The following COL4A3 variants were observed in gnomAD, a reference collection of about 807,000 sequenced individuals.
The protein encoded by COL4A3 is collagen alpha-3(IV) chain.
Under a neutral mutation model 217.4 loss-of-function variants are expected in COL4A3, and 135 were observed. The observed-to-expected ratio is 0.62, with a 90% CI of 0.54 to 0.72. COL4A3 has a LOEUF of 0.72. COL4A3 is among the 30% of genes least tolerant of loss of function. The probability of loss-of-function intolerance (pLI) is 0.00; values close to 1 mark genes in which losing one functional copy is unlikely to be tolerated. For missense variants in COL4A3, 1,868 were observed against 2,119.9 expected (o/e 0.88, Z 2.33); for synonymous variants, 690 against 736.3 (o/e 0.94, Z 1.02).
Position 227,202,767 on chromosome 2 carries a change from A to AT in COL4A3, c.88-35200dup, listed in dbSNP as rs55678102. On this transcript the variant is annotated intron_variant, in intron 1 of 51. Transcript: ENST00000396578. ...AAAAAATATATATATATATATATAT[A>AT]TATATCACATATATATACACATGTG... 5.7e-4 allele frequency among the ~76,000 whole-genome samples: 73 copies of AT among 129,090 alleles called. 9 individuals carry two copies. Among genetic ancestry groups the AT allele is most frequent in the Admixed American group, 2.1e-3 (26 of 12,256 alleles). 84.7% of individuals were successfully genotyped at this position (129,090 alleles called of 152,430 possible). A position where few individuals can be genotyped will look rare whatever the true frequency, so the allele number is the denominator to read the frequency against.
In COL4A3 at chr2:227,270,947, G is replaced by C; in HGVS notation, c.1753G>C (p.Glu585Gln). ...GAAAGGATTACCAGGACCTAAAGGC[G>C]AACTGGTTGGTATTTAGCAACTTTA... ...GVKGLPGPKG[E>Q]LALSGEKGDQ... is the part of the protein sequence containing the mutation. Residue 585 changes from glutamate to glutamine, a missense_variant, in exon 25 of 52, where the codon GAA becomes CAA. Physicochemically the swap from Glu to Gln is conservative, Grantham distance 29. Transcript: ENST00000396578. 4.3e-5 allele frequency: 69 copies of C among 1,613,966 alleles called. No homozygotes were observed. The highest frequency in any genetic ancestry group is 5.7e-5 in the Non-Finnish European group (67 of 1,179,926).
Position 227,282,516 on chromosome 2 carries a change from A to C in COL4A3, c.2640A>C (p.Gly880=), listed in dbSNP as rs1170459483. ...LGQRGYPGNP[G]ILGPPGEDGV... ...AAAGAGGATATCCAGGAAATCCGGG[A>C]ATTTTAGGGCCACCAGGTATCCTTT... is the stretch of plus-strand genomic sequence containing the variant. Residue 880 remains glycine (G), a synonymous_variant, in exon 32 of 52, where the codon GGA becomes GGC. Coordinates refer to ENST00000396578, the MANE Select transcript of COL4A3 (RefSeq NM_000091.5). This position sits in a 1 kb window ranked among gnomAD's most constrained non-coding sequence, Gnocchi z 4.4. 1 of 1,613,558 alleles carries C rather than the reference A, an allele frequency of 6.2e-7. No individual in the cohort carries two copies. The highest frequency in any genetic ancestry group is 8.5e-7 in the Non-Finnish European group (1 of 1,179,786).
intron 43 of COL4A3, among the ~76,000 whole-genome samples, chr2:227,302,611 A>T (rs2073334142): frequency 6.9e-6 from 1 of 144,430 alleles, no homozygotes; most frequent in South Asian, 2.2e-4. Context: ...TGGGAAGCAG[A>T]GGTTGCAGCA....
At chr2:227,223,756 A>AG (rs113236384) in intron 1 of COL4A3, among the ~76,000 whole-genome samples, 14 of 105,226 alleles carry the variant, frequency 1.3e-4, no homozygotes, top group Admixed American at 2.8e-4. Context: ...AAACAAATAA[A>AG]TAAGCAAATT....
intron 41 of COL4A3, chr2:227,296,380 G>A (rs907959043): frequency 1.5e-5 from 5 of 336,554 alleles, no homozygotes; most frequent in African/African-American, 1.1e-4. Context: ...GCTTTTAACT[G>A]GAAATAAAAT....
chr2:227,218,966 C>G (rs2067643477), intron 1 of COL4A3, among the ~76,000 whole-genome samples: 1 of 151,926 alleles, frequency 6.6e-6, no homozygotes, highest in African/African-American at 2.4e-5. Flanking sequence ...AATAAAATAG[C>G]CTAACATGAA....
intron 31 of COL4A3, among the ~76,000 whole-genome samples, 196 bp downstream of exon 31, chr2:227,281,202 A>C (rs1201437496): frequency 6.6e-6 from 1 of 152,230 alleles, no homozygotes; most frequent in African/African-American, 2.4e-5. Context: ...TAAAGGAAGA[A>C]ACTTGAAGTT....
intron 36 of COL4A3, 44 bp from the exon 37 acceptor site, chr2:227,290,703 C>T: frequency 6.2e-7 from 1 of 1,601,216 alleles, no homozygotes. Flanking sequence ...CTTCAAGATC[C>T]TCATGTTTAT....
chr2:227,190,007 C>A (rs1020581062), intron 1 of COL4A3, among the ~76,000 whole-genome samples: 1 of 151,982 alleles, frequency 6.6e-6, no homozygotes, highest in East Asian at 1.9e-4. Flanking sequence ...CATGCTCTAA[C>A]GCCATAACAG....
intron 1 of COL4A3, among the ~76,000 whole-genome samples, chr2:227,235,772 C>CTT (rs201024233): frequency 0.17 from 21,220 of 122,000 alleles, 2,026 homozygotes; most frequent in Admixed American, 0.2. Context: ...TATTTCATTC[C>CTT]TTTTTTTTTT....
At chr2:227,213,880 C>T (rs1257413196) in intron 1 of COL4A3, among the ~76,000 whole-genome samples, 9 of 125,652 alleles carry the variant, frequency 7.2e-5, no homozygotes, top group African/African-American at 1.2e-4. Flanking sequence ...CAAGCCCGGG[C>T]GACAGAGCAA....
chr2:227,299,547 A>G (rs1325443307), intron 43 of COL4A3, among the ~76,000 whole-genome samples: 1 of 152,152 alleles, frequency 6.6e-6, no homozygotes, highest in Non-Finnish European at 1.5e-5. Context: ...TCAAGATGAG[A>G]TTTGGGTGGG....
At chr2:227,202,880 CATATGTGTATATATGTGTATATATGT>C (rs1559819837) in intron 1 of COL4A3, among the ~76,000 whole-genome samples, 30 of 19,008 alleles carry the variant, frequency 1.6e-3, no homozygotes, top group South Asian at 0.011. Flanking sequence ...TGTATATATA[CATATGTGTATATATGTGTATATATGT>C]GTATATATAC....
intron 1 of COL4A3, among the ~76,000 whole-genome samples, chr2:227,236,653 G>A (rs1039059507): frequency 2.0e-5 from 3 of 146,680 alleles, no homozygotes; most frequent in African/African-American, 7.4e-5. Context: ...CAGCATATAT[G>A]TCAAAACACA....
intron 1 of COL4A3, among the ~76,000 whole-genome samples, chr2:227,167,952 A>C (rs1006303639): frequency 2.6e-4 from 40 of 152,232 alleles, no homozygotes; most frequent in African/African-American, 9.6e-4. Context: ...GTGGTCTTTC[A>C]TATGTGATAA....
At chr2:227,269,866 T>C (rs768683708) in intron 23 of COL4A3, 44 bp from the exon 24 acceptor site, 1 of 1,522,138 alleles carries the variant, frequency 6.6e-7, no homozygotes, top group African/African-American at 1.4e-5. Context: ...CTACTTAGAG[T>C]TGGCGTTCAA....
At position 227,172,495 on chromosome 2, in the gene COL4A3, TCTTCTC is replaced by T. The variant is rs200879728; in HGVS notation, c.87+7694_87+7699del. Among the ~76,000 whole-genome samples the T allele has an allele frequency of 5.8e-3, 883 of 151,476 alleles. 14 individuals carry two copies. Among genetic ancestry groups the T allele is most frequent in the African/African-American group, 0.019 (786 of 41,370 alleles). ...AGAGAGAGCTACTGCTCTGGTTTCT[TCTTCTC>T]CTTCTCCTTCTTCTTCGTCTTTGTC... On this transcript the variant is annotated intron_variant, in intron 1 of 51. Transcript: ENST00000396578.
chr2:227,286,298 C>G (rs2072318795), intron 34 of COL4A3, among the ~76,000 whole-genome samples: 1 of 151,236 alleles, frequency 6.6e-6, no homozygotes, highest in Non-Finnish European at 1.5e-5. Context: ...TCGAGACCAG[C>G]CTGGCCAACA....
intron 38 of COL4A3, chr2:227,293,703 G>A (rs201127510): frequency 8.4e-6 from 4 of 475,498 alleles, no homozygotes; most frequent in African/African-American, 4.0e-5. Context: ...GCTGAGAAGT[G>A]ATTAGGTGGC....
Sources: gnomAD v4.1 joint callset for allele counts (sites outside exome capture counted in the v4.1 genomes callset) on GRCh38, gnomAD v4.1.1 for gene constraint, Gnocchi (gnomAD v3.1) non-coding constraint, MANE v1.5 for transcripts, NCBI Gene and HGNC (gene_info 2026-07-23, HGNC 2026-07-21) for gene names.